SH3PXD2A: variants seen among roughly 807,000 people sequenced by gnomAD.
The protein encoded by SH3PXD2A is SH3 and PX domain-containing protein 2A.
SH3PXD2A carries 32 observed loss-of-function variants against 115.2 expected under a neutral mutation model. The ratio of observed to expected loss-of-function variants is 0.28; its 90% CI spans 0.21 to 0.37. SH3PXD2A has a LOEUF of 0.37. Among genes scored for constraint, SH3PXD2A ranks in the 10% least tolerant of loss-of-function variants. The pLI is 1.00. For synonymous variants in SH3PXD2A, 610 were observed against 629.1 expected, an observed-to-expected ratio of 0.97 and a Z score of 0.45; for missense variants, 1,328 against 1,498.7, an observed-to-expected ratio of 0.89 and a Z score of 1.88.
At chr10:103,803,282 C>A (rs1214186317) in intron 1 of SH3PXD2A, among the ~76,000 whole-genome samples, 2 of 152,142 alleles carry the variant, frequency 1.3e-5, no homozygotes, top group Non-Finnish European at 2.9e-5. Flanking sequence ...AAAGGCCACC[C>A]CTATCTTCAT....
intron 1 of SH3PXD2A, among the ~76,000 whole-genome samples, chr10:103,822,424 A>T (rs1415091002): frequency 6.6e-6 from 1 of 152,266 alleles, no homozygotes; most frequent in Non-Finnish European, 1.5e-5. Context: ...ACAGCTGCAC[A>T]CATACACAGG....
chr10:103,630,745 T>TAA (rs57562821), intron 8 of SH3PXD2A, among the ~76,000 whole-genome samples: 3,543 of 117,286 alleles, frequency 0.03, 73 homozygotes, highest in African/African-American at 0.057. Flanking sequence ...TCCCTTCTCT[T>TAA]AAAAAAAAAA....
At chr10:103,814,993 T>TG (rs35236349) in intron 1 of SH3PXD2A, among the ~76,000 whole-genome samples, 85,490 of 151,838 alleles carry the variant, frequency 0.56, 25,283 homozygotes, top group South Asian at 0.69. Flanking sequence ...ACTGGGGAGG[T>TG]GGGGGGCTCT....
At chr10:103,615,340 G>C (rs1177420629) in intron 11 of SH3PXD2A, among the ~76,000 whole-genome samples, 1 of 152,250 alleles carries the variant, frequency 6.6e-6, no homozygotes, top group Non-Finnish European at 1.5e-5. Flanking sequence ...GTAAAATTAA[G>C]ATTCCAGGAG....
Position 103,666,351 on chromosome 10 carries a change from C to T in SH3PXD2A, c.472+2257G>A, listed in dbSNP as rs2037383961. ...CCTGCTGGAATGCTTTCCCTTCTCT[C>T]TACCAATCCCAGTTTCCCAATTCTC... On this transcript the variant is annotated intron_variant, in intron 7 of 14. Transcript: ENST00000369774. The surrounding 1 kb of genome is among the most constrained non-coding windows in gnomAD (Gnocchi z 4.5). Among the ~76,000 whole-genome samples, 1 of 152,242 alleles carries T rather than the reference C, an allele frequency of 6.6e-6. No homozygotes were observed. Among genetic ancestry groups the T allele is most frequent in the Non-Finnish European group, 1.5e-5 (1 of 68,046 alleles).
chr10:103,650,558 C>A (rs2037103685), intron 8 of SH3PXD2A, among the ~76,000 whole-genome samples: 1 of 152,216 alleles, frequency 6.6e-6, no homozygotes. Context: ...CCACATGCAT[C>A]ATTCAGGTTC....
intron 6 of SH3PXD2A, among the ~76,000 whole-genome samples, chr10:103,686,274 G>A (rs1262586399): frequency 2.0e-5 from 3 of 152,222 alleles, no homozygotes; most frequent in Admixed American, 1.3e-4. Flanking sequence ...GGACTCCTGG[G>A]TTGGATGAAC....
At chr10:103,684,470 T>A (rs2037650275) in intron 6 of SH3PXD2A, among the ~76,000 whole-genome samples, 1 of 152,122 alleles carries the variant, frequency 6.6e-6, no homozygotes, top group Admixed American at 6.5e-5. Flanking sequence ...GTGATTCTCC[T>A]GCCTCAGCCT....
intron 5 of SH3PXD2A, among the ~76,000 whole-genome samples, chr10:103,699,387 C>T (rs1051808460): frequency 3.3e-5 from 5 of 152,174 alleles, no homozygotes; most frequent in African/African-American, 9.7e-5. Flanking sequence ...GTCTGCGTAT[C>T]GAGCTGCAGT....
chr10:103,650,059 G>A (rs1389501753), intron 8 of SH3PXD2A, among the ~76,000 whole-genome samples: 2 of 152,238 alleles, frequency 1.3e-5, no homozygotes, highest in Non-Finnish European at 2.9e-5. Flanking sequence ...GAGGAGAGGG[G>A]AGTTAGAAAA....
intron 6 of SH3PXD2A, among the ~76,000 whole-genome samples, chr10:103,679,793 A>C (rs1330602780): frequency 1.3e-5 from 2 of 152,216 alleles, no homozygotes; most frequent in Non-Finnish European, 2.9e-5. Flanking sequence ...ATCACTGCTT[A>C]GCATAGCAAG....
intron 1 of SH3PXD2A, among the ~76,000 whole-genome samples, chr10:103,834,070 C>T (rs1001160813): frequency 1.3e-5 from 2 of 152,132 alleles, no homozygotes; most frequent in African/African-American, 2.4e-5. Context: ...CAGGAGAGTT[C>T]AACACTTCCT....
chr10:103,621,168 A>G (rs1029811955), intron 10 of SH3PXD2A, among the ~76,000 whole-genome samples: 2 of 151,948 alleles, frequency 1.3e-5, no homozygotes, highest in Non-Finnish European at 2.9e-5. Flanking sequence ...GGTTGTGGAG[A>G]TGGTCGTGTT....
At chr10:103,847,730 G>A (rs1842860315) in intron 1 of SH3PXD2A, among the ~76,000 whole-genome samples, 1 of 152,186 alleles carries the variant, frequency 6.6e-6, no homozygotes, top group Non-Finnish European at 1.5e-5. Flanking sequence ...CCTGAGGTCA[G>A]GAGTTCGAGA....
chr10:103,855,179 CG>C lies in SH3PXD2A; in HGVS notation c.72+15del. 4 of 1,518,102 alleles carry C rather than the reference CG, an allele frequency of 2.6e-6. No individual in the cohort carries two copies. Among genetic ancestry groups the C allele is most frequent in the South Asian group, 2.5e-5 (2 of 80,646 alleles). The allele number at this position is 1,518,102 out of a possible 1,614,324, so 94.0% of individuals were successfully genotyped here. On this transcript the variant is annotated intron_variant, in intron 1 of 14. Coordinates refer to ENST00000369774, the MANE Select transcript of SH3PXD2A (RefSeq NM_001394015.1). ...CTCGGGCCACCCCCAGCAGGGTCGG[CG>C]GGGGCTGTACTCACGTAGTGCTTGG... is the stretch of plus-strand genomic sequence containing the variant.
chr10:103,831,599 T>C (rs561778613), intron 1 of SH3PXD2A, among the ~76,000 whole-genome samples: 1 of 152,306 alleles, frequency 6.6e-6, no homozygotes, highest in East Asian at 1.9e-4. Flanking sequence ...GTGGGAGGAT[T>C]GCTTGAGCCC....
chr10:103,600,768 A>G lies in SH3PXD2A; in HGVS notation c.*1048T>C, dbSNP rs1489845999. On this transcript the variant is annotated 3_prime_UTR_variant, in exon 15 of 15. Transcript: ENST00000369774. ...TTTCTGGCAGGCGCCAAGCTCCAGCACAGTCCACACAGTGGAAACCAAATG... is the reference window on the plus strand; with the variant it reads ...TTTCTGGCAGGCGCCAAGCTCCAGCGCAGTCCACACAGTGGAAACCAAATG... 1 of 152,234 alleles carries G rather than the reference A, an allele frequency of 6.6e-6. No homozygotes were observed. The highest frequency in any genetic ancestry group is 1.5e-5 in the Non-Finnish European group (1 of 68,030). The allele number at this position is 152,234 out of a possible 1,614,324, so 9.4% of individuals were successfully genotyped here. A position where few individuals can be genotyped will look rare whatever the true frequency, so the allele number is the denominator to read the frequency against.
At chr10:103,671,305 G>T (rs1269113489) in intron 6 of SH3PXD2A, among the ~76,000 whole-genome samples, 1 of 152,162 alleles carries the variant, frequency 6.6e-6, no homozygotes, top group Non-Finnish European at 1.5e-5. Context: ...ATACATAAAA[G>T]AATGAGTGGG....
At chr10:103,648,426 G>C (rs1272586442) in intron 8 of SH3PXD2A, among the ~76,000 whole-genome samples, 1 of 152,188 alleles carries the variant, frequency 6.6e-6, no homozygotes, top group Non-Finnish European at 1.5e-5. Context: ...TAATACTTCT[G>C]GTTGTAACTG....
Sources: gnomAD v4.1 joint callset for allele counts (sites outside exome capture counted in the v4.1 genomes callset) on GRCh38, gnomAD v4.1.1 for gene constraint, Gnocchi (gnomAD v3.1) non-coding constraint, MANE v1.5 for transcripts, NCBI Gene and HGNC (gene_info 2026-07-23, HGNC 2026-07-21) for gene names.